Variants in COG4 observed in about 807,000 individuals in gnomAD.
The protein encoded by COG4 is conserved oligomeric Golgi complex subunit 4.
COG4 carries 65 observed loss-of-function variants against 95.1 expected under a neutral mutation model. The ratio of observed to expected loss-of-function variants is 0.68; its 90% CI spans 0.56 to 0.84. COG4 has a LOEUF of 0.84. Among genes scored for constraint, COG4 ranks in the 40% least tolerant of loss-of-function variants. COG4 has a pLI of 0.00. For missense variants in COG4, 1,045 were observed against 989.1 expected (o/e 1.06, Z -0.76); for synonymous variants, 421 against 374.8 (o/e 1.12, Z -1.42).
intron 13 of COG4, among the ~76,000 whole-genome samples, chr16:70,488,719 T>G (rs1257726327): frequency 6.6e-6 from 1 of 151,984 alleles, no homozygotes; most frequent in East Asian, 1.9e-4. Flanking sequence ...AGCTAATTTT[T>G]TTTGTATTTT....
intron 17 of COG4, 124 bp from the exon 18 acceptor site, chr16:70,481,611 T>A: frequency 6.7e-7 from 1 of 1,484,198 alleles, no homozygotes; most frequent in East Asian, 2.3e-5. Context: ...GTTTGTTTGC[T>A]CTACGGCTTC....
chr16:70,488,192 G>A (rs1273991291), intron 13 of COG4, among the ~76,000 whole-genome samples: 1 of 151,028 alleles, frequency 6.6e-6, no homozygotes, highest in African/African-American at 2.4e-5. Flanking sequence ...AGAGTGAAGT[G>A]GCGTGATCTC....
chr16:70,515,964 T>G (rs2049813938), intron 3 of COG4: 1 of 455,714 alleles, frequency 2.2e-6, no homozygotes, highest in Non-Finnish European at 4.4e-6. Flanking sequence ...CCACCACACC[T>G]GGCCAGCTGT....
intron 1 of COG4, chr16:70,523,038 G>A (rs974936895): frequency 2.1e-5 from 7 of 328,238 alleles, no homozygotes; most frequent in Non-Finnish European, 4.0e-5. Context: ...GCAAAAGGGC[G>A]CTTATTATTT....
At position 70,517,668 on chromosome 16, in the gene COG4, A is replaced by G. The variant is rs747754925; in HGVS notation, c.327T>C (p.Ala109=). 1.1e-5 allele frequency: 18 copies of G among 1,612,302 alleles called. No individual in the cohort carries two copies. In the South Asian group the frequency reaches 2.0e-4, roughly 18 times the overall value. ...GACGAACTTTGCTGGACACATTCTC[A>G]GCCAGGTTGCAGGTAAAGGTGATCA... ...AGMITFTCNL[A]ENVSSKVRQL... The change falls in exon 3 of 19, where the codon GCT becomes GCC. Residue 109 remains alanine, a synonymous_variant. Transcript: ENST00000323786.
At chr16:70,481,737 C>T (rs200602239) in intron 17 of COG4, 27 bp downstream of exon 17, 76 of 1,588,482 alleles carry the variant, frequency 4.8e-5, no homozygotes, top group East Asian at 3.4e-4. Context: ...AAACGAGAGC[C>T]GCAGACCCAT....
At position 70,516,454 on chromosome 16, in the gene COG4, C is replaced by T. The variant is rs1177936256; in HGVS notation, c.369+1172G>A. On this transcript the variant is annotated intron_variant, in intron 3 of 18. Coordinates refer to ENST00000323786, the MANE Select transcript of COG4 (RefSeq NM_015386.3). ...TGGGACTACAGGAGCCTGTCACCACCACTGGCTAATTTTTTGTATTTTTAG... is the reference window on the plus strand; with the variant it reads ...TGGGACTACAGGAGCCTGTCACCACTACTGGCTAATTTTTTGTATTTTTAG... Among the ~76,000 whole-genome samples, 5 of 152,030 alleles carry T rather than the reference C, an allele frequency of 3.3e-5. No individual in the cohort carries two copies. The East Asian group carries it at 7.7e-4, about 23-fold the overall frequency.
At chr16:70,502,263 A>G (rs1276804335) in intron 8 of COG4, among the ~76,000 whole-genome samples, 1 of 104,454 alleles carries the variant, frequency 9.6e-6, no homozygotes, top group African/African-American at 3.9e-5. Context: ...GCCTGGAGAC[A>G]CAGCAAGACT....
intron 4 of COG4, among the ~76,000 whole-genome samples, chr16:70,513,516 A>G (rs1170507831): frequency 2.0e-5 from 3 of 152,208 alleles, no homozygotes; most frequent in East Asian, 3.8e-4. Flanking sequence ...TCTCCCATAC[A>G]TACATACCTA....
intron 1 of COG4, 85 bp from the exon 2 acceptor site, chr16:70,519,816 G>C: frequency 1.0e-6 from 1 of 999,396 alleles, no homozygotes; most frequent in Middle Eastern, 2.1e-4. Context: ...GCTGAAGGGT[G>C]AATCTCATTT....
chr16:70,482,758 A>G lies in COG4; in HGVS notation c.1891T>C (p.Phe631Leu), dbSNP rs1486846152. 6.2e-7 allele frequency: 1 copy of G among 1,613,870 alleles called. No homozygotes were observed. ...KPQVQPWINSFFSVSHNIEEE... is the reference protein window; with the variant it reads ...KPQVQPWINSLFSVSHNIEEE... ...TCGATGTTGTGGGAGACGGAGAAAAAGCTGTTGATCCAAGGCTGCACCTGT... is the reference window on the plus strand; with the variant it reads ...TCGATGTTGTGGGAGACGGAGAAAAGGCTGTTGATCCAAGGCTGCACCTGT... The change falls in exon 15 of 19, where the codon TTT becomes CTT. Residue 631 changes from phenylalanine (F) to leucine (L), a missense_variant. Transcript: ENST00000323786.
Position 70,523,363 on chromosome 16 carries a change from G to T in COG4, c.171+10C>A, listed in dbSNP as rs773672255. The T allele has an allele frequency of 3.7e-6, 6 of 1,613,922 alleles. No homozygotes were observed. Among genetic ancestry groups the T allele is most frequent in the Admixed American group, 3.3e-5 (2 of 60,002 alleles). ...ATCCTCCATGAAAAAGAAGAGGCTC[G>T]ACCCCGCACCTCCTCGCCGCAGAGC... On this transcript the variant is annotated intron_variant, in intron 1 of 18. Transcript: ENST00000323786.
At chr16:70,496,701 A>G (rs2049347036) in intron 11 of COG4, among the ~76,000 whole-genome samples, 1 of 152,164 alleles carries the variant, frequency 6.6e-6, no homozygotes. Flanking sequence ...TGCACTCCCA[A>G]CAAAGCTGTG....
rs2049533712 is a variant in COG4 at position 70,505,091 on chromosome 16, A to G, written c.1061+3315T>C. On this transcript the variant is annotated intron_variant, in intron 8 of 18. Transcript: ENST00000323786. ...CCATAGATGCCACGAAGAAAAAATT[A>G]TGTTTGCTTGCTCACTTTGCTTGTT... is the stretch of plus-strand genomic sequence containing the variant. 2.0e-5 allele frequency among the ~76,000 whole-genome samples: 3 copies of G among 151,922 alleles called. No individual in the cohort carries two copies. In the South Asian group the frequency reaches 6.2e-4, roughly 31 times the overall value.
intron 13 of COG4, among the ~76,000 whole-genome samples, chr16:70,486,175 G>A (rs528995594): frequency 6.6e-5 from 10 of 152,322 alleles, no homozygotes; most frequent in Non-Finnish European, 1.2e-4. Context: ...GATTACAGGC[G>A]TGAGCCACCG....
At chr16:70,482,962 ATTTCT>A (rs2049033617) in intron 14 of COG4, 141 bp from the exon 15 acceptor site, 2 of 489,780 alleles carry the variant, frequency 4.1e-6, no homozygotes, top group Admixed American at 3.0e-5. Context: ...TCCTCTCCCC[ATTTCT>A]TCCTTCTCTC....
At chr16:70,521,221 CTTTT>C (rs796994153) in intron 1 of COG4, among the ~76,000 whole-genome samples, 2 of 144,748 alleles carry the variant, frequency 1.4e-5, no homozygotes, top group Non-Finnish European at 3.1e-5. Flanking sequence ...GGCAGCTATA[CTTTT>C]TTTTTTTTTT....
At chr16:70,496,680 G>A (rs940550673) in intron 11 of COG4, among the ~76,000 whole-genome samples, 2 of 152,208 alleles carry the variant, frequency 1.3e-5, no homozygotes, top group African/African-American at 4.8e-5. Context: ...GAGGCTTTTA[G>A]CCATCACCAC....
chr16:70,500,913 C>T, intron 9 of COG4, 45 bp downstream of exon 9: 1 of 1,611,480 alleles, frequency 6.2e-7, no homozygotes. Flanking sequence ...GAAACACTGC[C>T]AATTATACCT....
Sources: allele counts gnomAD v4.1 joint callset (sites outside exome capture counted in the v4.1 genomes callset), GRCh38; gene constraint gnomAD v4.1.1; transcripts MANE v1.5; gene names NCBI Gene and HGNC (gene_info 2026-07-23, HGNC 2026-07-21).